JADE2: variants seen among roughly 807,000 people sequenced by gnomAD.
JADE2 encodes the protein E3 ubiquitin-protein ligase Jade-2.
In JADE2, 13 loss-of-function variants were observed where a neutral mutation model predicts 85.7. The observed-to-expected ratio is 0.15, with a 90% confidence interval of 0.10 to 0.24. The LOEUF is 0.24. JADE2 is among the 10% of genes least tolerant of loss of function. The probability of loss-of-function intolerance (pLI) is 1.00; values close to 1 mark genes in which losing one functional copy is unlikely to be tolerated. For missense variants in JADE2, 846 were observed against 1,115.9 expected (o/e 0.76, Z 3.45); for synonymous variants, 440 against 456.1 (o/e 0.96, Z 0.45).
rs754885384 is a variant in JADE2 at position 134,566,685 on chromosome 5, CTG to C, written c.1434+108_1434+109del. 23 of 870,960 alleles carry C rather than the reference CTG, an allele frequency of 2.6e-5. No homozygotes were observed. Among genetic ancestry groups the C allele is most frequent in the Non-Finnish European group, 4.0e-5 (23 of 580,956 alleles). The allele number at this position is 870,960 out of a possible 1,614,324, so 54.0% of individuals were successfully genotyped here. ...CAGCTAGGACTCACCAGGACTCAAA[CTG>C]TGAGCTCTGGTGGACCGGCCCTGCT... On this transcript the variant is annotated intron_variant, in intron 9 of 11. Transcript: ENST00000681547. This position sits in a 1 kb window ranked among gnomAD's most constrained non-coding sequence, Gnocchi z 6.7.
At chr5:134,558,610 C>G (rs12516451) in intron 4 of JADE2, among the ~76,000 whole-genome samples, 26,474 of 152,278 alleles carry the variant, frequency 0.17, 2,641 homozygotes, top group East Asian at 0.35. Context: ...ACGATCTCTG[C>G]TCACCACAGC....
intron 3 of JADE2, among the ~76,000 whole-genome samples, chr5:134,545,399 C>T (rs1581419168): frequency 1.3e-5 from 2 of 148,518 alleles, no homozygotes; most frequent in South Asian, 2.1e-4. Context: ...AAGAAAGAGA[C>T]GTTGAGTGGG....
At chr5:134,544,244 C>A (rs916113180) in intron 3 of JADE2, among the ~76,000 whole-genome samples, 3 of 152,358 alleles carry the variant, frequency 2.0e-5, no homozygotes, top group Non-Finnish European at 4.4e-5. Context: ...TTAAGAGTAC[C>A]TAGTGGGCCT....
In JADE2 at chr5:134,578,836, A is replaced by G. The variant is rs755360014; in HGVS notation, c.2024A>G (p.Gln675Arg). 4 of 1,613,786 alleles carry G rather than the reference A, an allele frequency of 2.5e-6. No homozygotes were observed. The highest frequency in any genetic ancestry group is 3.4e-6 in the Non-Finnish European group (4 of 1,180,006). ...AAAGCCCCCAAGAAGACCTGGGGCC[A>G]GGATGCAGGCAGTGGCAAGGGGGGT... is the stretch of plus-strand genomic sequence containing the variant. The part of the protein sequence containing the change: ...PDKAPKKTWG[Q>R]DAGSGKGGQG... Residue 675 changes from glutamine to arginine, a missense_variant, in exon 12 of 12, where the codon CAG (glutamine) becomes CGG (arginine). By Grantham distance (43) the Gln-to-Arg change is conservative. Coordinates refer to ENST00000681547, the MANE Select transcript of JADE2 (RefSeq NM_001388185.1). The surrounding 1 kb of genome is among the most constrained non-coding windows in gnomAD (Gnocchi z 4.4).
chr5:134,552,229 C>T lies in JADE2; in HGVS notation c.311+20C>T, dbSNP rs1334404015. On this transcript the variant is annotated intron_variant, in intron 4 of 11. Coordinates refer to ENST00000681547, the MANE Select transcript of JADE2 (RefSeq NM_001388185.1). ...GGTGAGGTGAGCCAGGCAGCCCAGGCTAGGGGGCCATTGGGACAGGGGAGG... is the reference window on the plus strand; with the variant it reads ...GGTGAGGTGAGCCAGGCAGCCCAGGTTAGGGGGCCATTGGGACAGGGGAGG... 1 of 1,606,788 alleles carries T rather than the reference C, an allele frequency of 6.2e-7. No individual in the cohort carries two copies. Among genetic ancestry groups the T allele is most frequent in the Non-Finnish European group, 8.5e-7 (1 of 1,175,900 alleles).
rs1761554353 is a variant in JADE2, at chr5:134,535,883, C to G, written c.26C>G (p.Ser9Cys). The G allele has an allele frequency of 1.2e-6, 2 of 1,613,964 alleles. No homozygotes were observed. Among genetic ancestry groups the G allele is most frequent in the Non-Finnish European group, 1.7e-6 (2 of 1,179,866 alleles). The stretch of plus-strand genomic sequence containing the variant: ...ATGGAAGAGAAGAGGCGAAAATACT[C>G]CATCAGCAGTGACAACTCTGACACC... MEEKRRKY[S>C]ISSDNSDTTD... is the part of the protein sequence containing the mutation. Residue 9 changes from serine (S) to cysteine (C), a missense_variant, in exon 2 of 12, where the codon TCC (serine) becomes TGC (cysteine). Coordinates refer to ENST00000681547, the MANE Select transcript of JADE2 (RefSeq NM_001388185.1).
intron 1 of JADE2, chr5:134,526,674 G>A (rs1760845478): frequency 1.0e-6 from 1 of 985,418 alleles, no homozygotes; most frequent in Non-Finnish European, 1.2e-6. Flanking sequence ...CGCTGCACGC[G>A]GGGGCAGCAT....
Position 134,579,217 on chromosome 5 carries a change from T to C in JADE2, c.2405T>C (p.Met802Thr), listed in dbSNP as rs1385366549. The change falls in exon 12 of 12, where the codon ATG (methionine) becomes ACG (threonine). Residue 802 changes from methionine to threonine, a missense_variant. Physicochemically the swap from Met to Thr is moderately conservative, Grantham distance 81 (BLOSUM62 -1). This residue lies in a region of JADE2 where 300 missense variants were observed against 300.7 expected (regional missense o/e 1.00). Transcript: ENST00000681547. The surrounding 1 kb of genome is among the most constrained non-coding windows in gnomAD (Gnocchi z 4.6). ...ETDGYFSDGE[M>T]SDSDVEAEDG... ...GATGGCTACTTCTCTGATGGGGAGA[T>C]GAGCGACTCAGATGTAGAGGCCGAG... The C allele has an allele frequency of 4.3e-6, 7 of 1,614,170 alleles. No homozygotes were observed. The highest frequency in any genetic ancestry group is 5.9e-6 in the Non-Finnish European group (7 of 1,180,034).
intron 11 of JADE2, among the ~76,000 whole-genome samples, chr5:134,577,763 C>A (rs529078345): frequency 6.6e-6 from 1 of 152,182 alleles, no homozygotes; most frequent in African/African-American, 2.4e-5. Context: ...TCTCCCGTCT[C>A]GCCAGCTGCC....
chr5:134,578,797 G>A lies in JADE2; in HGVS notation c.1985G>A (p.Arg662Gln), dbSNP rs776562572. The A allele has an allele frequency of 2.5e-5, 41 of 1,613,630 alleles. No individual in the cohort carries two copies. The highest frequency in any genetic ancestry group is 1.6e-4 in the Middle Eastern group (1 of 6,084). The change falls in exon 12 of 12, where the codon CGG becomes CAG. Residue 662 changes from arginine (R) to glutamine (Q), a missense_variant. Arg to Gln is a conservative substitution (Grantham distance 43). Around this residue, in one of 9 missense-constraint regions of JADE2, gnomAD observed 300 missense variants for 300.7 expected, o/e 1.00. Coordinates refer to ENST00000681547, the MANE Select transcript of JADE2 (RefSeq NM_001388185.1). This position sits in a 1 kb window ranked among gnomAD's most constrained non-coding sequence, Gnocchi z 4.4. ...PPPPQDGPGS[R>Q]TTPDKAPKKT... is the part of the protein sequence containing the mutation. ...CCACCGCAGGACGGGCCTGGTTCAC[G>A]GACGACTCCAGACAAAGCCCCCAAG...
At chr5:134,538,138 G>A in intron 3 of JADE2, 55 bp downstream of exon 3, 1 of 1,379,188 alleles carries the variant, frequency 7.3e-7, no homozygotes, top group Non-Finnish European at 1.0e-6. Flanking sequence ...GAGCTGCCCT[G>A]CGGAGACTGG....
At chr5:134,557,280 A>AT (rs60115543) in intron 4 of JADE2, among the ~76,000 whole-genome samples, 5 of 130,734 alleles carry the variant, frequency 3.8e-5, no homozygotes, top group South Asian at 2.4e-4. Context: ...TTTTTTTTTT[A>AT]TTTTTTTTTT....
chr5:134,535,086 C>T (rs949322375), intron 1 of JADE2, among the ~76,000 whole-genome samples: 1 of 152,164 alleles, frequency 6.6e-6, no homozygotes, highest in Non-Finnish European at 1.5e-5. Context: ...TCACAGCTCA[C>T]CTGGTTAGGA....
chr5:134,532,973 A>G (rs1406246356), intron 1 of JADE2, among the ~76,000 whole-genome samples: 4 of 152,190 alleles, frequency 2.6e-5, no homozygotes, highest in Non-Finnish European at 5.9e-5. Context: ...TGCTCCCTTA[A>G]TAATAGCCTC....
rs750874771 is a variant in JADE2 at position 134,537,974 on chromosome 5, G to A, written c.59-15G>A. On this transcript the variant is annotated splice_polypyrimidine_tract_variant and intron_variant, in intron 2 of 11. Transcript: ENST00000681547. ...GGCCCTCCAGGACCCCTAATGGACT[G>A]TTCTCTCTCTGCAGGTCATGCGACA... The A allele has an allele frequency of 1.2e-6, 2 of 1,609,410 alleles. No homozygotes were observed. The highest frequency in any genetic ancestry group is 3.3e-5 in the Admixed American group (2 of 59,972).
At position 134,581,219 on chromosome 5, in the gene JADE2, C is replaced by G. The variant is rs1005009726; in HGVS notation, c.*1902C>G. ...TGGGGTGGGCTTCAAGGATTCTGGG[C>G]GTTGGGATGGCATGAGCTACCCTGT... On this transcript the variant is annotated 3_prime_UTR_variant, in exon 12 of 12. Transcript: ENST00000681547. The G allele has an allele frequency of 6.6e-6, 1 of 152,530 alleles. No individual in the cohort carries two copies. The highest frequency in any genetic ancestry group is 2.4e-5 in the African/African-American group (1 of 41,426). 9.4% of individuals were successfully genotyped at this position (152,530 alleles called of 1,614,324 possible).
chr5:134,528,617 A>T (rs759635875), intron 1 of JADE2, among the ~76,000 whole-genome samples: 4 of 152,118 alleles, frequency 2.6e-5, no homozygotes, highest in East Asian at 1.9e-4. Flanking sequence ...AGAGGAAGGG[A>T]TGTTTGTTTG....
Position 134,525,778 on chromosome 5 carries a change from C to T in JADE2, c.-234C>T, listed in dbSNP as rs1226614844. 1.4e-5 allele frequency: 16 copies of T among 1,144,416 alleles called. No homozygotes were observed. Among genetic ancestry groups the T allele is most frequent in the Non-Finnish European group, 1.5e-5 (14 of 921,432 alleles). 70.9% of individuals were successfully genotyped at this position (1,144,416 alleles called of 1,614,324 possible). A position where few individuals can be genotyped will look rare whatever the true frequency, so the allele number is the denominator to read the frequency against. On this transcript the variant is annotated 5_prime_UTR_variant, in exon 1 of 12. Transcript: ENST00000681547. ...TCCATGGAGTTACTTTGCGCCCACT[C>T]CTAGCGGCACCGGCTTAGGTCCTGC...
intron 4 of JADE2, among the ~76,000 whole-genome samples, chr5:134,557,197 T>C (rs1373569103): frequency 6.6e-6 from 1 of 151,616 alleles, no homozygotes; most frequent in East Asian, 1.9e-4. Context: ...TTATTATTGT[T>C]GTTATTATGA....
Sources: allele counts gnomAD v4.1 joint callset (sites outside exome capture counted in the v4.1 genomes callset), GRCh38; gene constraint gnomAD v4.1.1; regional missense constraint gnomAD v4.1.1; non-coding constraint Gnocchi (gnomAD v3.1); transcripts MANE v1.5; gene names NCBI Gene and HGNC (gene_info 2026-07-23, HGNC 2026-07-21).